DENND4C: variants seen among roughly 807,000 people sequenced by gnomAD.
DENND4C encodes DENN domain containing 4C, also known as DENN domain-containing protein 4C.
In DENND4C, 108 loss-of-function variants were observed where a neutral mutation model predicts 203.0. The observed-to-expected ratio is 0.53, with a 90% CI of 0.46 to 0.62. The LOEUF (loss-of-function observed/expected upper bound fraction) is 0.62. Among genes scored for constraint, DENND4C ranks in the 20% least tolerant of loss-of-function variants. The pLI is 0.00. For missense variants in DENND4C, 2,481 were observed against 2,301.2 expected (o/e 1.08, Z -1.60); for synonymous variants, 871 against 792.4 (o/e 1.10, Z -1.67).
At chr9:19,344,938 T>C (rs1351854733) in intron 22 of DENND4C, among the ~76,000 whole-genome samples, 11 of 152,214 alleles carry the variant, frequency 7.2e-5, no homozygotes, top group Non-Finnish European at 1.5e-4. Flanking sequence ...TGCTAACTTA[T>C]TGTATCCTCG....
intron 1 of DENND4C, among the ~76,000 whole-genome samples, chr9:19,241,431 T>A (rs1823689456): frequency 6.6e-6 from 1 of 152,104 alleles, no homozygotes; most frequent in African/African-American, 2.4e-5. Context: ...TAGGCTGGCC[T>A]CCAACTCCTG....
In DENND4C at chr9:19,341,069, C is replaced by G; in HGVS notation, c.2959C>G (p.Gln987Glu). 1 of 1,613,008 alleles carries G rather than the reference C, an allele frequency of 6.2e-7. No individual in the cohort carries two copies. Among genetic ancestry groups the G allele is most frequent in the Non-Finnish European group, 8.5e-7 (1 of 1,179,510 alleles). Residue 987 changes from glutamine (Q) to glutamate (E), a missense_variant, in exon 21 of 33, where the codon CAG (glutamine) becomes GAG (glutamate). By Grantham distance (29) the Gln-to-Glu change is conservative. Around this residue, in one of 3 missense-constraint regions of DENND4C, gnomAD observed 2,289 missense variants for 2,113.3 expected, o/e 1.08. Transcript: ENST00000434457. ...TGCAGAAATTCATGTGCCTGAAGAA[C>G]AGGCAGCAAGAGAATTGATAACTAA... is the stretch of plus-strand genomic sequence containing the variant. ...DDAEIHVPEE[Q>E]AARELITKTK...
rs752109598 is a variant in DENND4C at position 19,373,791 on chromosome 9, AC to A, written c.*1619del. ...CTAAATGAGTTGACACAGTAAAATT[AC>A]TTCCATATGGTACAGTAACAACCTA... On this transcript the variant is annotated 3_prime_UTR_variant, in exon 33 of 33. Transcript: ENST00000434457. Among the ~76,000 whole-genome samples, 7 of 152,332 alleles carry A rather than the reference AC, an allele frequency of 4.6e-5. No individual in the cohort carries two copies. The East Asian group carries it at 1.2e-3, about 25-fold the overall frequency.
At chr9:19,244,427 T>G (rs980273360) in intron 1 of DENND4C, among the ~76,000 whole-genome samples, 3 of 152,116 alleles carry the variant, frequency 2.0e-5, no homozygotes, top group African/African-American at 4.8e-5. Context: ...GCTGATTAGC[T>G]ATATGTCTTG....
At position 19,324,402 on chromosome 9, in the gene DENND4C, T is replaced by C. The variant is rs150040627; in HGVS notation, c.1848T>C (p.Tyr616=). 1 of 1,612,120 alleles carries C rather than the reference T, an allele frequency of 6.2e-7. No individual in the cohort carries two copies. The highest frequency in any genetic ancestry group is 8.5e-7 in the Non-Finnish European group (1 of 1,179,372). ...KSRDRAYAKF[Y]TLLSKTQIFI... ...GAGATCGTGCCTATGCAAAATTCTA[T>C]ACCCTTTTATCCAAAACACAGATTT... is the stretch of plus-strand genomic sequence containing the variant. The change falls in exon 13 of 33, where the codon TAT becomes TAC. Residue 616 remains tyrosine (Y), a synonymous_variant. Transcript: ENST00000434457.
rs775613348 is a variant in DENND4C at position 19,288,755 on chromosome 9, A to G, written c.628+90A>G. 185 of 629,508 alleles carry G rather than the reference A, an allele frequency of 2.9e-4. No homozygotes were observed. The Middle Eastern group carries it at 5.5e-3, about 19-fold the overall frequency. 39.0% of individuals were successfully genotyped at this position (629,508 alleles called of 1,614,324 possible). ...AAAGAGATAAAGTATGCTCCCTTAC[A>G]TAGTTTGTAGAATTGATCTATTCAT... On this transcript the variant is annotated intron_variant, in intron 4 of 32. Transcript: ENST00000434457.
chr9:19,349,253 C>T (rs750335243), intron 23 of DENND4C, among the ~76,000 whole-genome samples: 1 of 151,938 alleles, frequency 6.6e-6, no homozygotes, highest in African/African-American at 2.4e-5. Flanking sequence ...CAAAAAAATA[C>T]AAAAATTAGC....
chr9:19,262,174 C>T (rs1465216597), intron 1 of DENND4C, among the ~76,000 whole-genome samples: 2 of 148,192 alleles, frequency 1.3e-5, no homozygotes, highest in Non-Finnish European at 3.0e-5. Flanking sequence ...GCAACCTCCA[C>T]CTCCTGAGTT....
chr9:19,298,225 C>A, intron 7 of DENND4C, 103 bp downstream of exon 7: 1 of 972,118 alleles, frequency 1.0e-6, no homozygotes, highest in Non-Finnish European at 1.6e-6. Context: ...GAGCAATATG[C>A]ATTCATAAAG....
In DENND4C at chr9:19,302,707, A is replaced by G. The variant is rs554115581; in HGVS notation, c.1311+2376A>G. On this transcript the variant is annotated intron_variant, in intron 9 of 32. Coordinates refer to ENST00000434457, the MANE Select transcript of DENND4C (RefSeq NM_001330640.2). ...TTGTGAGTGGCTCTGCCCTTCAGCAATCTGATCTTATTTTCCACTCCTCTT... is the reference window on the plus strand; with the variant it reads ...TTGTGAGTGGCTCTGCCCTTCAGCAGTCTGATCTTATTTTCCACTCCTCTT... Among the ~76,000 whole-genome samples, 118 of 152,304 alleles carry G rather than the reference A, an allele frequency of 7.7e-4. 2 individuals carry two copies. The South Asian group carries it at 0.022, about 29-fold the overall frequency.
At chr9:19,351,572 C>T (rs375979770) in intron 24 of DENND4C, among the ~76,000 whole-genome samples, 8 of 152,146 alleles carry the variant, frequency 5.3e-5, no homozygotes, top group South Asian at 2.1e-4. Context: ...CTTCGGGAGG[C>T]AAGGCGGGTG....
chr9:19,311,801 A>C (rs1158466267), intron 10 of DENND4C, among the ~76,000 whole-genome samples: 1 of 152,184 alleles, frequency 6.6e-6, no homozygotes, highest in Non-Finnish European at 1.5e-5. Context: ...GGATGATGGG[A>C]AATAAGCAGT....
chr9:19,331,200 A>T (rs1401308510), intron 16 of DENND4C, among the ~76,000 whole-genome samples: 1 of 151,524 alleles, frequency 6.6e-6, no homozygotes, highest in Non-Finnish European at 1.5e-5. Context: ...CTGCAAAGGA[A>T]TAGGTCCTTT....
At chr9:19,244,077 C>T (rs1824476393) in intron 1 of DENND4C, among the ~76,000 whole-genome samples, 2 of 152,078 alleles carry the variant, frequency 1.3e-5, no homozygotes, top group African/African-American at 4.8e-5. Flanking sequence ...GCCGCCCAGG[C>T]TGAAGTGCAG....
chr9:19,255,256 T>C (rs866806212), intron 1 of DENND4C, among the ~76,000 whole-genome samples: 5 of 151,706 alleles, frequency 3.3e-5, no homozygotes, highest in Non-Finnish European at 7.4e-5. Flanking sequence ...TTAGAAAAAA[T>C]TAGCTGGATA....
intron 1 of DENND4C, among the ~76,000 whole-genome samples, chr9:19,264,566 C>G (rs754136198): frequency 1.1e-4 from 17 of 152,090 alleles, no homozygotes; most frequent in South Asian, 2.1e-4. Flanking sequence ...TTTGGCCTCT[C>G]AAAGTGCTGG....
rs1306687574 is a variant in DENND4C at position 19,372,423 on chromosome 9, C to G, written c.*250C>G. 14 of 363,976 alleles carry G rather than the reference C, an allele frequency of 3.8e-5. No homozygotes were observed. The highest frequency in any genetic ancestry group is 6.8e-5 in the Non-Finnish European group (14 of 205,486). 22.5% of individuals were successfully genotyped at this position (363,976 alleles called of 1,614,324 possible). A position where few individuals can be genotyped will look rare whatever the true frequency, so the allele number is the denominator to read the frequency against. On this transcript the variant is annotated 3_prime_UTR_variant, in exon 33 of 33. Transcript: ENST00000434457. ...ACTGCTTTTCTGCCTCTGTGGAAAA[C>G]TACTTTGGGATTCTTCAGTATTTGT...
intron 10 of DENND4C, 124 bp downstream of exon 10, chr9:19,305,651 C>T: frequency 1.1e-6 from 1 of 909,036 alleles, no homozygotes; most frequent in Non-Finnish European, 1.6e-6. Context: ...TTAAATACAG[C>T]AGCTCTCAAC....
chr9:19,342,650 G>A lies in DENND4C; in HGVS notation c.3022G>A (p.Ala1008Thr), dbSNP rs1469630407. The A allele has an allele frequency of 1.2e-5, 20 of 1,607,268 alleles. No homozygotes were observed. Among genetic ancestry groups the A allele is most frequent in the Non-Finnish European group, 1.6e-5 (19 of 1,177,550 alleles). Residue 1008 changes from alanine to threonine, a missense_variant, in exon 22 of 33, where the codon GCT becomes ACT. By Grantham distance (58) the Ala-to-Thr change is moderately conservative (BLOSUM62 0). Coordinates refer to ENST00000434457, the MANE Select transcript of DENND4C (RefSeq NM_001330640.2). ...MQTEEVCDAS[A>T]IVAKHSQPSP... ...TTTTCCAGAGGTGTGTGATGCCTCT[G>A]CTATTGTGGCAAAACATTCACAACC...
Sources: allele counts gnomAD v4.1 joint callset (sites outside exome capture counted in the v4.1 genomes callset), GRCh38; gene constraint gnomAD v4.1.1; regional missense constraint gnomAD v4.1.1; transcripts MANE v1.5; gene names NCBI Gene and HGNC (gene_info 2026-07-23, HGNC 2026-07-21).